KAZN: variants seen among roughly 807,000 people sequenced by gnomAD.
KAZN encodes kazrin, periplakin interacting protein.
A neutral mutation model predicts 87.4 loss-of-function variants in KAZN; 40 were observed. The ratio of observed to expected loss-of-function variants is 0.46; its 90% CI spans 0.36 to 0.60. KAZN has a LOEUF of 0.60. KAZN is among the 20% of genes least tolerant of loss of function. KAZN has a pLI of 0.00. For missense variants in KAZN, 898 were observed against 1,073.9 expected, an observed-to-expected ratio of 0.84 and a Z score of 2.29; for synonymous variants, 466 against 458.3, an observed-to-expected ratio of 1.02 and a Z score of -0.22.
At chr1:13,899,689 G>C (rs1639174553) in intron 1 of KAZN, among the ~76,000 whole-genome samples, 1 of 149,708 alleles carries the variant, frequency 6.7e-6, no homozygotes, top group Non-Finnish European at 1.5e-5. Context: ...TGTCGCCCAG[G>C]CTGGAGTGCA....
chr1:14,660,117 A>T (rs1639054911), intron 1 of KAZN, among the ~76,000 whole-genome samples: 1 of 152,124 alleles, frequency 6.6e-6, no homozygotes, highest in African/African-American at 2.4e-5. Context: ...GGCCTGCTTC[A>T]GTGGGGCTGG....
At chr1:15,092,060 G>GTTTTTTTTTTTTTTATTTTTTTTTT (rs57460680) in intron 8 of KAZN, among the ~76,000 whole-genome samples, 1 of 114,446 alleles carries the variant, frequency 8.7e-6, no homozygotes, top group African/African-American at 3.3e-5. Context: ...TTGTTTTTTT[G>GTTTTTTTTTTTTTTATTTTTTTTTT]TTTTTTTTTT....
At chr1:14,966,106 A>G (rs1367786377) in intron 2 of KAZN, among the ~76,000 whole-genome samples, 4 of 151,382 alleles carry the variant, frequency 2.6e-5, no homozygotes, top group African/African-American at 9.7e-5. Context: ...CAGCCTCCCA[A>G]GTAGCTGGGA....
At chr1:14,962,671 G>C (rs1422202518) in intron 2 of KAZN, among the ~76,000 whole-genome samples, 1 of 152,166 alleles carries the variant, frequency 6.6e-6, no homozygotes, top group Non-Finnish European at 1.5e-5. Flanking sequence ...AGTAGGGACT[G>C]GCTCAGGAAG....
chr1:14,079,482 C>A (rs966516592), intron 1 of KAZN, among the ~76,000 whole-genome samples: 8 of 152,192 alleles, frequency 5.3e-5, no homozygotes, highest in Admixed American at 6.5e-5. Context: ...TGGCCAGCAA[C>A]TGTTCCAGAG....
intron 1 of KAZN, among the ~76,000 whole-genome samples, chr1:14,725,886 C>G (rs1228120644): frequency 6.6e-6 from 1 of 152,192 alleles, no homozygotes; most frequent in African/African-American, 2.4e-5. Flanking sequence ...CTGGACCACC[C>G]TTTGAGTAGC....
intron 2 of KAZN, among the ~76,000 whole-genome samples, chr1:14,307,505 C>T (rs1299355584): frequency 6.6e-6 from 1 of 152,200 alleles, no homozygotes; most frequent in African/African-American, 2.4e-5. Context: ...CATTGTCCTC[C>T]TTTACAGACG....
At chr1:14,793,109 G>A (rs890942616) in intron 1 of KAZN, among the ~76,000 whole-genome samples, 9 of 152,150 alleles carry the variant, frequency 5.9e-5, no homozygotes, top group African/African-American at 1.9e-4. Flanking sequence ...ATGGCTTTCA[G>A]CAGGATAGGA....
intron 1 of KAZN, among the ~76,000 whole-genome samples, chr1:14,052,395 G>A (rs1642375804): frequency 6.6e-6 from 1 of 152,186 alleles, no homozygotes; most frequent in Admixed American, 6.5e-5. Flanking sequence ...AAAAGTATTT[G>A]TTCATCCTGC....
chr1:14,568,118 C>T (rs1041053523), intron 2 of KAZN, among the ~76,000 whole-genome samples: 3 of 152,180 alleles, frequency 2.0e-5, no homozygotes, highest in African/African-American at 7.2e-5. Flanking sequence ...ATCAGGTGAG[C>T]CCTTTCAAAG....
intron 3 of KAZN, among the ~76,000 whole-genome samples, chr1:15,041,718 C>G (rs1194996870): frequency 6.6e-6 from 1 of 152,042 alleles, no homozygotes; most frequent in Non-Finnish European, 1.5e-5. Flanking sequence ...CATCCAAGGC[C>G]CCATGAGGTC....
chr1:14,894,819 C>A, intron 1 of KAZN, among the ~76,000 whole-genome samples: 1 of 152,248 alleles, frequency 6.6e-6, no homozygotes, highest in East Asian at 1.9e-4. Flanking sequence ...ACACCAAGGA[C>A]GGGGAAATCA....
intron 2 of KAZN, among the ~76,000 whole-genome samples, chr1:14,546,116 G>T (rs892241709): frequency 6.6e-6 from 1 of 152,160 alleles, no homozygotes; most frequent in Non-Finnish European, 1.5e-5. Flanking sequence ...AAAAAGGGTA[G>T]GTTCCTGTGA....
At chr1:14,690,851 G>A (rs1641249130) in intron 1 of KAZN, among the ~76,000 whole-genome samples, 1 of 152,114 alleles carries the variant, frequency 6.6e-6, no homozygotes, top group African/African-American at 2.4e-5. Context: ...CCCAGGGTAT[G>A]TGCTGTGATT....
At chr1:15,068,181 A>C (rs948513872) in intron 8 of KAZN, 1 of 803,012 alleles carries the variant, frequency 1.2e-6, no homozygotes, top group Non-Finnish European at 1.5e-6. Context: ...GATTGCTTCT[A>C]TTTGGCTCCG....
intron 1 of KAZN, among the ~76,000 whole-genome samples, chr1:14,814,014 C>T (rs1347413326): frequency 6.6e-6 from 1 of 152,190 alleles, no homozygotes; most frequent in Non-Finnish European, 1.5e-5. Context: ...ATCACCATAA[C>T]TTAGAGGGTA....
At chr1:14,519,657 G>A (rs1428040697) in intron 2 of KAZN, among the ~76,000 whole-genome samples, 1 of 152,160 alleles carries the variant, frequency 6.6e-6, no homozygotes, top group Non-Finnish European at 1.5e-5. Context: ...CCTCCCATCT[G>A]GAGGGAAGAA....
intron 1 of KAZN, among the ~76,000 whole-genome samples, chr1:14,879,512 CA>C: frequency 6.6e-6 from 1 of 152,240 alleles, no homozygotes; most frequent in East Asian, 1.9e-4. Context: ...CCAGCCAAAG[CA>C]AAACGGCCCT....
intron 2 of KAZN, among the ~76,000 whole-genome samples, chr1:14,393,756 A>C (rs1662651269): frequency 6.7e-6 from 1 of 149,622 alleles, no homozygotes; most frequent in Non-Finnish European, 1.5e-5. Context: ...CTGAAGTGGG[A>C]GGATCACTTG....
Sources: gnomAD v4.1 joint callset for allele counts (sites outside exome capture counted in the v4.1 genomes callset) on GRCh38, gnomAD v4.1.1 for gene constraint, MANE v1.5 for transcripts, NCBI Gene and HGNC (gene_info 2026-07-23, HGNC 2026-07-21) for gene names.